GRID2IP: variants seen among roughly 807,000 people sequenced by gnomAD.
The protein encoded by GRID2IP is delphilin.
Under a neutral mutation model 114.3 loss-of-function variants are expected in GRID2IP, and 78 were observed. The ratio of observed to expected loss-of-function variants is 0.68; its 90% CI spans 0.57 to 0.82. The LOEUF is 0.82. Ranked by LOEUF, GRID2IP falls within the 40% of genes least tolerant of loss-of-function variation. The pLI is 0.00. For missense variants in GRID2IP, 1,727 were observed against 1,678.5 expected (o/e 1.03, Z -0.51); for synonymous variants, 809 against 724.0 (o/e 1.12, Z -1.89).
intron 15 of GRID2IP, among the ~76,000 whole-genome samples, chr7:6,504,471 C>G (rs1334804858): frequency 1.4e-5 from 2 of 145,868 alleles, no homozygotes; most frequent in African/African-American, 5.2e-5. Flanking sequence ...ACGGGGTTCT[C>G]GAGACGCTAG....
Position 6,526,655 on chromosome 7 carries a change from G to C in GRID2IP, c.699C>G (p.Ser233Arg). The C allele has an allele frequency of 6.9e-7, 1 of 1,440,556 alleles. No homozygotes were observed. The allele number at this position is 1,440,556 out of a possible 1,614,324, so 89.2% of individuals were successfully genotyped here. The change falls in exon 3 of 22, where the codon AGC (serine) becomes AGG (arginine). Residue 233 changes from serine (S) to arginine (R), a missense_variant. By Grantham distance (110) the Ser-to-Arg change is moderately radical (BLOSUM62 -1). Transcript: ENST00000457091. The surrounding 1 kb of genome is among the most constrained non-coding windows in gnomAD (Gnocchi z 7.6). ...GGCGCTCCGGCCGCTCCTCGCTGCG[G>C]CTCCGGCGCAGTCGCTGCGCGCCCT... is the stretch of plus-strand genomic sequence containing the variant. Reference protein sequence around the residue: ...RAQGAQRLRRSRSEERPERLL... With the variant: ...RAQGAQRLRRRRSEERPERLL...
At chr7:6,503,378 G>A in intron 16 of GRID2IP, 113 bp downstream of exon 16, 2 of 1,138,896 alleles carry the variant, frequency 1.8e-6, no homozygotes, top group Non-Finnish European at 2.4e-6. Context: ...GGACTCAGAG[G>A]CTTGGGCGCA....
At chr7:6,504,578 CG>C (rs1786520783) in intron 15 of GRID2IP, among the ~76,000 whole-genome samples, 1 of 152,072 alleles carries the variant, frequency 6.6e-6, no homozygotes, top group South Asian at 2.1e-4. Flanking sequence ...GGGCCAGAAC[CG>C]GGAAGTTGAT....
chr7:6,551,301 C>T lies in GRID2IP; in HGVS notation c.136G>A (p.Gly46Arg), dbSNP rs981332437. The change falls in exon 1 of 22, where the codon GGA (glycine) becomes AGA (arginine). Residue 46 changes from glycine to arginine, a missense_variant. Physicochemically the swap from Gly to Arg is moderately radical, Grantham distance 125 (BLOSUM62 -2). Transcript: ENST00000457091. ...CCCTCCACCTCCAGGATCTGGTCTC[C>T]TGGCCGCAGTCCTCCGGCATGCGCG... The part of the protein sequence containing the change: ...SSAHAGGLRP[G>R]DQILEVEGLA... 3.2e-6 allele frequency: 5 copies of T among 1,543,426 alleles called. No individual in the cohort carries two copies. The African/African-American group carries it at 5.5e-5, about 17-fold the overall frequency.
Position 6,551,095 on chromosome 7 carries a change from GC to G in GRID2IP, c.341del (p.Gly114AlafsTer49). On this transcript the variant is annotated frameshift_variant, in exon 1 of 22. Transcript: ENST00000457091. LOFTEE classifies it high-confidence loss of function. ...GGCCGGCCAGGCGAAGCAGCTCACG[GC>G]CCAGAGCTAGGCCGCGGCCGCACCG... is the stretch of plus-strand genomic sequence containing the variant. ...APRCGRGLAL[G>X]RELLRLAGRK... The G allele has an allele frequency of 7.6e-7, 1 of 1,314,244 alleles. No individual in the cohort carries two copies. Among genetic ancestry groups the G allele is most frequent in the Non-Finnish European group, 9.6e-7 (1 of 1,036,406 alleles). 81.4% of individuals were successfully genotyped at this position (1,314,244 alleles called of 1,614,324 possible). A position where few individuals can be genotyped will look rare whatever the true frequency, so the allele number is the denominator to read the frequency against.
Position 6,503,573 on chromosome 7 carries a change from G to C in GRID2IP, c.2825C>G (p.Pro942Arg). ...AHLAQLLLFA[P>R]DADEEQRYQA... ...GTAGCGCTGCTCCTCGTCGGCGTCG[G>C]GCGCGAAGAGCAGCAGCTGCGCGAG... Residue 942 changes from proline to arginine, a missense_variant, in exon 16 of 22, where the codon CCC becomes CGC. Coordinates refer to ENST00000457091, the MANE Select transcript of GRID2IP (RefSeq NM_001145118.2). The C allele has an allele frequency of 6.5e-7, 1 of 1,529,156 alleles. No homozygotes were observed. The highest frequency in any genetic ancestry group is 8.7e-7 in the Non-Finnish European group (1 of 1,144,358). The allele number at this position is 1,529,156 out of a possible 1,614,324, so 94.7% of individuals were successfully genotyped here.
rs1169435068 is a variant in GRID2IP, at chr7:6,510,682, G to A, written c.1580C>T (p.Pro527Leu). 6.5e-7 allele frequency: 1 copy of A among 1,547,078 alleles called. No homozygotes were observed. The highest frequency in any genetic ancestry group is 1.2e-5 in the South Asian group (1 of 83,484). Residue 527 changes from proline to leucine, a missense_variant, in exon 10 of 22, where the codon CCT becomes CTT. Pro to Leu is a moderately conservative substitution (Grantham distance 98). Coordinates refer to ENST00000457091, the MANE Select transcript of GRID2IP (RefSeq NM_001145118.2). The part of the protein sequence containing the change: ...SCGPSECPEM[P>L]LPLIPGERQA... ...GCGCTCGCCTGGGATCAGGGGAAGA[G>A]GCATCTCAGGGCACTCGCTGGGACC... is the stretch of plus-strand genomic sequence containing the variant.
intron 2 of GRID2IP, chr7:6,530,963 C>A (rs908979198): frequency 5.5e-6 from 3 of 547,502 alleles, no homozygotes; most frequent in South Asian, 4.4e-5. Flanking sequence ...GGCAGGGAAG[C>A]CCCTCCACGC....
chr7:6,497,761 G>T lies in GRID2IP; in HGVS notation c.*13C>A. On this transcript the variant is annotated 3_prime_UTR_variant, in exon 22 of 22. Coordinates refer to ENST00000457091, the MANE Select transcript of GRID2IP (RefSeq NM_001145118.2). ...TCCCTGCTCAGGCCGCAGAGGACGC[G>T]GTGTGGCCACTGTCACCAGGCCAGG... 6.5e-7 allele frequency: 1 copy of T among 1,544,906 alleles called. No individual in the cohort carries two copies. Among genetic ancestry groups the T allele is most frequent in the African/African-American group, 1.4e-5 (1 of 73,072 alleles).
intron 1 of GRID2IP, among the ~76,000 whole-genome samples, chr7:6,548,073 C>T (rs1324878445): frequency 6.6e-6 from 1 of 152,112 alleles, no homozygotes; most frequent in Non-Finnish European, 1.5e-5. Context: ...TAACTTAGGC[C>T]AGGTGCAGTA....
At position 6,508,502 on chromosome 7, in the gene GRID2IP, G is replaced by A. The variant is rs1786663642; in HGVS notation, c.2128-101C>T. 1 of 1,516,988 alleles carries A rather than the reference G, an allele frequency of 6.6e-7. No homozygotes were observed. The highest frequency in any genetic ancestry group is 1.4e-5 in the African/African-American group (1 of 72,516). 94.0% of individuals were successfully genotyped at this position (1,516,988 alleles called of 1,614,324 possible). On this transcript the variant is annotated intron_variant, in intron 12 of 21. Transcript: ENST00000457091. This position sits in a 1 kb window ranked among gnomAD's most constrained non-coding sequence, Gnocchi z 5.6. ...CATGGGATAGCCTGGGACAAGGACAGGGCCATCTCACGGGTTAGCCTCAGG... is the reference window on the plus strand; with the variant it reads ...CATGGGATAGCCTGGGACAAGGACAAGGCCATCTCACGGGTTAGCCTCAGG...
At chr7:6,510,190 C>T in intron 11 of GRID2IP, 93 bp downstream of exon 11, 2 of 809,226 alleles carry the variant, frequency 2.5e-6, no homozygotes, top group Non-Finnish European at 3.9e-6. Context: ...CTGGGACAAC[C>T]CTGACCCTGA....
rs866975715 is a variant in GRID2IP at position 6,509,103 on chromosome 7, G to A, written c.1982C>T (p.Pro661Leu). ...DSPPSPDPTR[P>L]PSRRKLFTFS... ...GGTGAAGAGCTTCCTGCGGCTGGGC[G>A]GGCGGGTGGGGTCCGGGCTTGGGGG... Residue 661 changes from proline to leucine, a missense_variant, in exon 12 of 22, where the codon CCG (proline) becomes CTG (leucine). Coordinates refer to ENST00000457091, the MANE Select transcript of GRID2IP (RefSeq NM_001145118.2). The surrounding 1 kb of genome is among the most constrained non-coding windows in gnomAD (Gnocchi z 4.9). The A allele has an allele frequency of 1.1e-5, 16 of 1,480,800 alleles. No individual in the cohort carries two copies. Among genetic ancestry groups the A allele is most frequent in the African/African-American group, 1.4e-5 (1 of 71,462 alleles). 91.7% of individuals were successfully genotyped at this position (1,480,800 alleles called of 1,614,324 possible).
At position 6,526,797 on chromosome 7, in the gene GRID2IP, C is replaced by A. The variant is rs1195096665; in HGVS notation, c.585-28G>T. On this transcript the variant is annotated intron_variant, in intron 2 of 21. Coordinates refer to ENST00000457091, the MANE Select transcript of GRID2IP (RefSeq NM_001145118.2). This position sits in a 1 kb window ranked among gnomAD's most constrained non-coding sequence, Gnocchi z 7.6. ...GCCGGCGAGGACGGCGGAGTCGGGG[C>A]GCGTTCCCGGACCCCGGATCTCTGC... 2.7e-6 allele frequency: 4 copies of A among 1,483,802 alleles called. No homozygotes were observed. Among genetic ancestry groups the A allele is most frequent in the Non-Finnish European group, 1.8e-6 (2 of 1,119,498 alleles). 91.9% of individuals were successfully genotyped at this position (1,483,802 alleles called of 1,614,324 possible).
chr7:6,536,843 A>T lies in GRID2IP; in HGVS notation c.584+2875T>A, dbSNP rs1413987578. 1.8e-6 allele frequency: 1 copy of T among 545,860 alleles called. No individual in the cohort carries two copies. The highest frequency in any genetic ancestry group is 3.4e-6 in the Non-Finnish European group (1 of 291,506). 33.8% of individuals were successfully genotyped at this position (545,860 alleles called of 1,614,324 possible). Reference sequence around the variant, plus strand: ...ACCCCTTACTCACCCCAGGCAGCTCATGGTGGCCTCTTTCGGTGGTGGTCG... The same window carrying T: ...ACCCCTTACTCACCCCAGGCAGCTCTTGGTGGCCTCTTTCGGTGGTGGTCG... On this transcript the variant is annotated intron_variant, in intron 2 of 21. Coordinates refer to ENST00000457091, the MANE Select transcript of GRID2IP (RefSeq NM_001145118.2). The surrounding 1 kb of genome is among the most constrained non-coding windows in gnomAD (Gnocchi z 5.3).
intron 20 of GRID2IP, among the ~76,000 whole-genome samples, chr7:6,500,799 C>T (rs1463081656): frequency 1.3e-5 from 2 of 152,254 alleles, no homozygotes; most frequent in African/African-American, 4.8e-5. Flanking sequence ...GCAGCGAGAA[C>T]TGCCACATGC....
Position 6,521,957 on chromosome 7 carries a change from C to T in GRID2IP, c.920G>A (p.Gly307Glu), listed in dbSNP as rs1307068849. ...GPVWIESVLP[G>E]SPADNAALKS... is the part of the protein sequence containing the mutation. ...GAGGGCAGCATTGTCAGCTGGGCTCCCTGGAAGCAAGAAGAGAGGGTGTGC... is the reference window on the plus strand; with the variant it reads ...GAGGGCAGCATTGTCAGCTGGGCTCTCTGGAAGCAAGAAGAGAGGGTGTGC... Residue 307 changes from glycine to glutamate, a missense_variant and splice_region_variant, in exon 5 of 22, where the codon GGG becomes GAG. Gly to Glu is a moderately conservative substitution (Grantham distance 98). Coordinates refer to ENST00000457091, the MANE Select transcript of GRID2IP (RefSeq NM_001145118.2). This position sits in a 1 kb window ranked among gnomAD's most constrained non-coding sequence, Gnocchi z 4.1. 6.4e-7 allele frequency: 1 copy of T among 1,550,840 alleles called. No individual in the cohort carries two copies. The highest frequency in any genetic ancestry group is 1.4e-5 in the African/African-American group (1 of 72,984).
intron 20 of GRID2IP, among the ~76,000 whole-genome samples, chr7:6,501,129 T>C (rs1290194945): frequency 6.6e-6 from 1 of 152,154 alleles, no homozygotes; most frequent in Non-Finnish European, 1.5e-5. Context: ...GGCAGGTAGA[T>C]CACCTGAGGT....
At chr7:6,540,190 A>G (rs1024782208) in intron 1 of GRID2IP, among the ~76,000 whole-genome samples, 4 of 147,102 alleles carry the variant, frequency 2.7e-5, no homozygotes, top group Non-Finnish European at 5.9e-5. Flanking sequence ...TTGGCACACT[A>G]GAACCTCCAT....
Sources: allele counts gnomAD v4.1 joint callset (sites outside exome capture counted in the v4.1 genomes callset), GRCh38; gene constraint gnomAD v4.1.1; non-coding constraint Gnocchi (gnomAD v3.1); transcripts MANE v1.5; gene names NCBI Gene and HGNC (gene_info 2026-07-23, HGNC 2026-07-21).